Variants in GTSF1 observed in about 807,000 individuals in gnomAD.
The protein encoded by GTSF1 is gametocyte specific factor 1, also known as gametocyte-specific factor 1.
Under a neutral mutation model 28.9 loss-of-function variants are expected in GTSF1, and 11 were observed. The observed-to-expected ratio is 0.38, with a 90% CI of 0.24 to 0.63. The LOEUF (loss-of-function observed/expected upper bound fraction) is 0.63, where lower values mean the gene tolerates loss of function less well. Ranked by LOEUF, GTSF1 falls within the 30% of genes least tolerant of loss-of-function variation. GTSF1 has a pLI of 0.56. For synonymous variants in GTSF1, 69 were observed against 65.6 expected, an observed-to-expected ratio of 1.05 and a Z score of -0.25; for missense variants, 146 against 201.0, an observed-to-expected ratio of 0.73 and a Z score of 1.66.
rs1956489923 is a variant in GTSF1, at chr12:54,465,157, C to T, written c.27G>A (p.Leu9=). 1 of 1,612,764 alleles carries T rather than the reference C, an allele frequency of 6.2e-7. No homozygotes were observed. Residue 9 remains leucine, a synonymous_variant, in exon 3 of 9, where the codon CTG becomes CTA. Transcript: ENST00000305879. MEETYTDS[L]DPEKLLQCPY... ...GGCATTGCAATAGCTTCTCAGGGTC[C>T]AGGGAGTCGGCTGAAAGACAGAAGT...
At chr12:54,473,060 A>C (rs1956610009) in intron 1 of GTSF1, among the ~76,000 whole-genome samples, 1 of 152,186 alleles carries the variant, frequency 6.6e-6, no homozygotes, top group African/African-American at 2.4e-5. Context: ...TCACAGTACC[A>C]TCACTTAGCC....
chr12:54,466,994 C>A (rs1198980571), intron 2 of GTSF1: 1 of 151,876 alleles, frequency 6.6e-6, no homozygotes, highest in Non-Finnish European at 1.5e-5. Flanking sequence ...ATAAAATTTA[C>A]CATGTTAATG....
chr12:54,467,488 T>C (rs929673606), intron 2 of GTSF1, among the ~76,000 whole-genome samples: 10 of 152,204 alleles, frequency 6.6e-5, no homozygotes, highest in African/African-American at 2.4e-4. Context: ...CTAATTTTTG[T>C]ATTTTTAGTA....
chr12:54,467,433 G>C (rs541449836), intron 2 of GTSF1, among the ~76,000 whole-genome samples: 1 of 151,908 alleles, frequency 6.6e-6, no homozygotes, highest in South Asian at 2.1e-4. Context: ...TCCTGCCTCA[G>C]ACTCTTGAGT....
intron 3 of GTSF1, 135 bp from the exon 4 acceptor site, chr12:54,463,432 C>A: frequency 1.4e-6 from 1 of 708,174 alleles, no homozygotes; most frequent in African/African-American, 1.8e-5. Flanking sequence ...AACAAGTAAA[C>A]TCAGAGTAAA....
intron 3 of GTSF1, 172 bp downstream of exon 3, chr12:54,464,895 T>C (rs1219839634): frequency 9.3e-6 from 4 of 431,476 alleles, no homozygotes; most frequent in Non-Finnish European, 1.7e-5. Flanking sequence ...AAGAAAAAAT[T>C]TATCCTAAGG....
chr12:54,470,073 G>A (rs1956575821), intron 2 of GTSF1, among the ~76,000 whole-genome samples: 1 of 152,156 alleles, frequency 6.6e-6, no homozygotes, highest in South Asian at 2.1e-4. Flanking sequence ...TACTCAGGAG[G>A]CTGAGGCAGA....
intron 2 of GTSF1, among the ~76,000 whole-genome samples, chr12:54,470,048 G>A (rs191315449): frequency 1.3e-5 from 2 of 152,074 alleles, no homozygotes; most frequent in South Asian, 2.1e-4. Context: ...GGTGGCACAC[G>A]CCTATAACCC....
chr12:54,458,556 G>A (rs1956371413), intron 8 of GTSF1, among the ~76,000 whole-genome samples: 2 of 152,052 alleles, frequency 1.3e-5, no homozygotes, highest in African/African-American at 4.8e-5. Flanking sequence ...ATTTTTAGTA[G>A]AGACAGGGTT....
chr12:54,460,688 T>A (rs564896655), intron 6 of GTSF1, among the ~76,000 whole-genome samples: 108 of 152,306 alleles, frequency 7.1e-4, no homozygotes, highest in Admixed American at 1.2e-3. Flanking sequence ...TTAAGATGGG[T>A]CTAACCATTT....
Position 54,467,218 on chromosome 12 carries a change from CTT to C in GTSF1, c.17-2053_17-2052del, listed in dbSNP as rs1489111154. On this transcript the variant is annotated intron_variant, in intron 2 of 8. Coordinates refer to ENST00000305879, the MANE Select transcript of GTSF1 (RefSeq NM_144594.3). ...TACATCATATATGTGAAATCACAGTCTTTTGCTTTTTGTGACTAGCCTATTTC... is the reference window on the plus strand; with the variant it reads ...TACATCATATATGTGAAATCACAGTCTTGCTTTTTGTGACTAGCCTATTTC... Among the ~76,000 whole-genome samples the C allele has an allele frequency of 3.9e-5, 6 of 152,174 alleles. No individual in the cohort carries two copies. In the East Asian group the frequency reaches 1.2e-3, roughly 29 times the overall value.
chr12:54,459,359 C>T, intron 7 of GTSF1: 2 of 1,416,712 alleles, frequency 1.4e-6, no homozygotes, highest in East Asian at 3.0e-5. Context: ...TTGGGAAATG[C>T]AAGTATCCAG....
In GTSF1 at chr12:54,465,097, C is replaced by T; in HGVS notation, c.87G>A (p.Arg29=). The change falls in exon 3 of 9, where the codon AGG becomes AGA. Residue 29 remains arginine (R), a synonymous_variant. Transcript: ENST00000305879. Reference sequence around the variant, plus strand: ...TGCACTTGATAAGATGATAAGGAAACCTGCAAGCCCTGATTTGATGGTTTT... The same window carrying T: ...TGCACTTGATAAGATGATAAGGAAATCTGCAAGCCCTGATTTGATGGTTTT... The part of the protein sequence containing the change: ...YDKNHQIRAC[R]FPYHLIKCRK... 2 of 1,613,294 alleles carry T rather than the reference C, an allele frequency of 1.2e-6. No homozygotes were observed. The highest frequency in any genetic ancestry group is 1.7e-6 in the Non-Finnish European group (2 of 1,179,456).
intron 8 of GTSF1, among the ~76,000 whole-genome samples, chr12:54,458,098 T>C (rs1956362844): frequency 1.3e-5 from 2 of 152,340 alleles, no homozygotes; most frequent in South Asian, 2.1e-4. Flanking sequence ...GCCTACTAAC[T>C]GCAAAACAGT....
chr12:54,463,230 G>C lies in GTSF1; in HGVS notation c.185C>G (p.Ala62Gly), dbSNP rs1382757619. 6.2e-7 allele frequency: 1 copy of C among 1,613,784 alleles called. No individual in the cohort carries two copies. Among genetic ancestry groups the C allele is most frequent in the East Asian group, 2.2e-5 (1 of 44,894 alleles). The change falls in exon 4 of 9, where the codon GCT (alanine) becomes GGT (glycine). Residue 62 changes from alanine (A) to glycine (G), a missense_variant. Physicochemically the swap from Ala to Gly is moderately conservative, Grantham distance 60 (BLOSUM62 0). Transcript: ENST00000305879. Reference sequence around the variant, plus strand: ...GCTTGAGATATGATGACTAATTTCAGCTCGAGGAACCTGGTGGCGAGCATT... The same window carrying C: ...GCTTGAGATATGATGACTAATTTCACCTCGAGGAACCTGGTGGCGAGCATT... ...PFNARHQVPRAEISHHISSCD... is the reference protein window; with the variant it reads ...PFNARHQVPRGEISHHISSCD...
intron 2 of GTSF1, 132 bp from the exon 3 acceptor site, chr12:54,465,299 TAA>T (rs935653707): frequency 2.0e-6 from 1 of 492,432 alleles, no homozygotes; most frequent in East Asian, 3.1e-5. Context: ...AAACTTGGAT[TAA>T]AAAAAAAGGG....
chr12:54,465,020 T>C (rs1334262952), intron 3 of GTSF1, 47 bp downstream of exon 3: 2 of 1,158,006 alleles, frequency 1.7e-6, no homozygotes, highest in East Asian at 4.7e-5. Flanking sequence ...AAATATGGCC[T>C]TTTAAAAGAA....
At chr12:54,459,717 T>G (rs1956390265) in intron 7 of GTSF1, 2 of 171,874 alleles carry the variant, frequency 1.2e-5, no homozygotes, top group East Asian at 3.4e-4. Flanking sequence ...CTACTGATAT[T>G]ATGCCTTTTT....
chr12:54,456,185 GT>G (rs1347697712), intron 8 of GTSF1, 32 bp from the exon 9 acceptor site: 2 of 152,304 alleles, frequency 1.3e-5, no homozygotes, highest in African/African-American at 4.8e-5. Flanking sequence ...AAAGTTCTTA[GT>G]TTTTTTCAAT....
Sources: allele counts gnomAD v4.1 joint callset (sites outside exome capture counted in the v4.1 genomes callset), GRCh38; gene constraint gnomAD v4.1.1; transcripts MANE v1.5; gene names NCBI Gene and HGNC (gene_info 2026-07-23, HGNC 2026-07-21).